Variants in RERE observed in about 807,000 individuals in gnomAD.
The protein encoded by RERE is arginine-glutamic acid dipeptide repeats.
Under a neutral mutation model 146.1 loss-of-function variants are expected in RERE, and 40 were observed. The ratio of observed to expected loss-of-function variants is 0.27; its 90% CI spans 0.21 to 0.36. The LOEUF is 0.36. Among genes scored for constraint, RERE ranks in the 10% least tolerant of loss-of-function variants. The pLI is 1.00. For missense variants in RERE, 1,933 were observed against 2,138.7 expected (o/e 0.90, Z 1.90); for synonymous variants, 1,003 against 866.0 (o/e 1.16, Z -2.78).
intron 8 of RERE, among the ~76,000 whole-genome samples, chr1:8,498,732 T>TATATACACACACACACACAC (rs150497092): frequency 3.7e-5 from 4 of 107,836 alleles, no homozygotes; most frequent in Admixed American, 1.1e-4. Context: ...AATAAATATA[T>TATATACACACACACACACAC]ACACACACAC....
At chr1:8,427,404 T>G (rs1237009243) in intron 11 of RERE, among the ~76,000 whole-genome samples, 1 of 152,170 alleles carries the variant, frequency 6.6e-6, no homozygotes, top group Non-Finnish European at 1.5e-5. Flanking sequence ...CCATATGATC[T>G]CCACTGTTCC....
chr1:8,427,956 T>G (rs1281736206), intron 11 of RERE, among the ~76,000 whole-genome samples: 3 of 152,188 alleles, frequency 2.0e-5, no homozygotes, highest in Non-Finnish European at 4.4e-5. Flanking sequence ...ACTATTGACT[T>G]ATAAATCAAC....
intron 12 of RERE, among the ~76,000 whole-genome samples, chr1:8,411,236 T>C (rs916298162): frequency 2.0e-5 from 3 of 151,198 alleles, no homozygotes; most frequent in Admixed American, 2.0e-4. Flanking sequence ...CTGGTGGCCA[T>C]AAAATGGAGA....
chr1:8,489,303 T>G (rs1030974411), intron 10 of RERE, among the ~76,000 whole-genome samples: 2 of 150,890 alleles, frequency 1.3e-5, no homozygotes. Flanking sequence ...GAGGTTACAG[T>G]GAGCTATAAT....
At chr1:8,545,005 T>C (rs1645841392) in intron 6 of RERE, among the ~76,000 whole-genome samples, 1 of 152,198 alleles carries the variant, frequency 6.6e-6, no homozygotes, top group South Asian at 2.1e-4. Flanking sequence ...TGCAGAAGTA[T>C]GGGTATGATT....
At chr1:8,401,990 C>G (rs1292549951) in intron 12 of RERE, among the ~76,000 whole-genome samples, 1 of 152,130 alleles carries the variant, frequency 6.6e-6, no homozygotes, top group Non-Finnish European at 1.5e-5. Flanking sequence ...TCTGCCTCAG[C>G]CTCCCGAGTA....
At chr1:8,786,122 T>C in intron 1 of RERE, 1 of 457,272 alleles carries the variant, frequency 2.2e-6, no homozygotes, top group Non-Finnish European at 4.0e-6. Flanking sequence ...AGTCTAACTT[T>C]CTTTTTTTTC....
At chr1:8,508,786 A>T (rs1224505823) in intron 7 of RERE, 111 bp from the exon 8 acceptor site, 1 of 843,294 alleles carries the variant, frequency 1.2e-6, no homozygotes, top group Non-Finnish European at 2.0e-6. Flanking sequence ...AAAACTGAGG[A>T]AGAATTAACG....
At chr1:8,479,873 G>C (rs1644807980) in intron 10 of RERE, among the ~76,000 whole-genome samples, 1 of 152,074 alleles carries the variant, frequency 6.6e-6, no homozygotes, top group Non-Finnish European at 1.5e-5. Flanking sequence ...ATTTAAGAGA[G>C]CTATAAAAAA....
chr1:8,785,738 C>T (rs2124566092), intron 1 of RERE, among the ~76,000 whole-genome samples: 1 of 152,306 alleles, frequency 6.6e-6, no homozygotes, highest in East Asian at 1.9e-4. Flanking sequence ...TCTCCTGCCT[C>T]AGCCTCCTGA....
At chr1:8,594,024 G>A (rs1489515611) in intron 4 of RERE, among the ~76,000 whole-genome samples, 4 of 152,078 alleles carry the variant, frequency 2.6e-5, no homozygotes, top group African/African-American at 9.7e-5. Flanking sequence ...TACGATTTGG[G>A]GTTATATAAT....
intron 12 of RERE, among the ~76,000 whole-genome samples, chr1:8,376,462 G>A (rs1357832291): frequency 6.6e-6 from 1 of 152,172 alleles, no homozygotes; most frequent in Non-Finnish European, 1.5e-5. Context: ...TTATGCACAT[G>A]TCTATAGAAA....
At chr1:8,596,195 CCT>C (rs1646553678) in intron 4 of RERE, among the ~76,000 whole-genome samples, 1 of 152,278 alleles carries the variant, frequency 6.6e-6, no homozygotes, top group South Asian at 2.1e-4. Flanking sequence ...GCTTGCTGTC[CCT>C]GAGTACAAAA....
intron 4 of RERE, among the ~76,000 whole-genome samples, chr1:8,601,112 T>TGAA (rs1557427120): frequency 7.0e-6 from 1 of 143,072 alleles, no homozygotes; most frequent in Non-Finnish European, 1.5e-5. Context: ...CTCCACCTTC[T>TGAA]GGGTTCAAGC....
In RERE at chr1:8,353,471, G is replaced by C. The variant is rs1173665850; in HGVS notation, c.*1616C>G. On this transcript the variant is annotated 3_prime_UTR_variant, in exon 23 of 23. Coordinates refer to ENST00000400908, the MANE Select transcript of RERE (RefSeq NM_001042681.2). ...TCTCTGTCCTACAATTCTTGGGATGGGACCAGCACAATGGCAGAAGAGACC... is the reference window on the plus strand; with the variant it reads ...TCTCTGTCCTACAATTCTTGGGATGCGACCAGCACAATGGCAGAAGAGACC... The C allele has an allele frequency of 6.6e-6, 1 of 152,230 alleles. No homozygotes were observed. The highest frequency in any genetic ancestry group is 2.4e-5 in the African/African-American group (1 of 41,444). The allele number at this position is 152,230 out of a possible 1,614,324, so 9.4% of individuals were successfully genotyped here.
At chr1:8,609,332 T>C (rs567498476) in intron 4 of RERE, among the ~76,000 whole-genome samples, 3 of 152,352 alleles carry the variant, frequency 2.0e-5, no homozygotes, top group Non-Finnish European at 2.9e-5. Flanking sequence ...CTGATGCCAG[T>C]AGCAGTCAGC....
chr1:8,658,101 T>A (rs1638364672), intron 1 of RERE, among the ~76,000 whole-genome samples: 1 of 152,160 alleles, frequency 6.6e-6, no homozygotes, highest in Non-Finnish European at 1.5e-5. Flanking sequence ...AGGAAAAAAT[T>A]TTGTCTTTCT....
intron 8 of RERE, among the ~76,000 whole-genome samples, chr1:8,501,345 C>A (rs1223880685): frequency 9.7e-6 from 1 of 103,456 alleles, no homozygotes; most frequent in Non-Finnish European, 1.9e-5. Context: ...GGGGTCAGCA[C>A]CCCGCCCGGC....
chr1:8,491,402 C>A (rs1644978493), intron 10 of RERE, among the ~76,000 whole-genome samples: 1 of 152,142 alleles, frequency 6.6e-6, no homozygotes, highest in African/African-American at 2.4e-5. Flanking sequence ...CCATTGCACT[C>A]CAGCCTGGGC....
Sources: allele counts gnomAD v4.1 joint callset (sites outside exome capture counted in the v4.1 genomes callset), GRCh38; gene constraint gnomAD v4.1.1; transcripts MANE v1.5; gene names NCBI Gene and HGNC (gene_info 2026-07-23, HGNC 2026-07-21).